DLG2: variants seen among roughly 807,000 people sequenced by gnomAD.
The protein encoded by DLG2 is discs large MAGUK scaffold protein 2, also known as disks large homolog 2.
A neutral mutation model predicts 132.5 loss-of-function variants in DLG2; 45 were observed. The ratio of observed to expected loss-of-function variants is 0.34; its 90% confidence interval spans 0.27 to 0.44. The LOEUF (loss-of-function observed/expected upper bound fraction) is 0.44, where lower values mean the gene tolerates loss of function less well. DLG2 is among the 20% of genes least tolerant of loss of function. The probability of loss-of-function intolerance (pLI) is 1.00; values close to 1 mark genes in which losing one functional copy is unlikely to be tolerated. For synonymous variants in DLG2, 424 were observed against 419.6 expected, an observed-to-expected ratio of 1.01 and a Z score of -0.13; for missense variants, 1,045 against 1,196.9, an observed-to-expected ratio of 0.87 and a Z score of 1.87.
intron 3 of DLG2, among the ~76,000 whole-genome samples, chr11:85,398,148 G>A (rs1283530685): frequency 6.6e-6 from 1 of 152,120 alleles, no homozygotes; most frequent in Non-Finnish European, 1.5e-5. Context: ...ACAACTTTAT[G>A]GAAACTGAAC....
rs530838197 is a variant in DLG2 at position 85,487,751 on chromosome 11, T to A, written c.40+110906A>T. Reference sequence around the variant, plus strand: ...GAGAGATCAAAAGACTTAGAAAAAATAATAGATGAAAATTTCCCAAGTCTA... The same window carrying A: ...GAGAGATCAAAAGACTTAGAAAAAAAAATAGATGAAAATTTCCCAAGTCTA... On this transcript the variant is annotated intron_variant, in intron 3 of 27. Coordinates refer to ENST00000376104, the MANE Select transcript of DLG2 (RefSeq NM_001142699.3). 4.6e-5 allele frequency among the ~76,000 whole-genome samples: 7 copies of A among 152,068 alleles called. No individual in the cohort carries two copies. The South Asian group carries it at 1.5e-3, about 32-fold the overall frequency.
chr11:85,585,558 C>CAACAGCTATG (rs1270646439), intron 3 of DLG2, among the ~76,000 whole-genome samples: 1 of 152,172 alleles, frequency 6.6e-6, no homozygotes, highest in East Asian at 1.9e-4. Flanking sequence ...ATTTGTCATA[C>CAACAGCTATG]ACAGTTTTTA....
At chr11:85,377,803 A>ATATATATATGTGTG (rs35141583) in intron 3 of DLG2, among the ~76,000 whole-genome samples, 7 of 131,308 alleles carry the variant, frequency 5.3e-5, no homozygotes, top group Non-Finnish European at 9.7e-5. Context: ...ATATATATAT[A>ATATATATATGTGTG]TGTGTGTGTG....
chr11:84,925,300 T>C (rs1301046229), intron 6 of DLG2, among the ~76,000 whole-genome samples: 1 of 152,164 alleles, frequency 6.6e-6, no homozygotes, highest in East Asian at 1.9e-4. Context: ...GGTGAAGAAG[T>C]ACATGTAGGT....
chr11:84,461,700 A>C (rs1013603685), intron 7 of DLG2, among the ~76,000 whole-genome samples: 1 of 151,028 alleles, frequency 6.6e-6, no homozygotes, highest in Non-Finnish European at 1.5e-5. Context: ...AGAACACAAA[A>C]TTAAAAGTTA....
At chr11:84,697,768 C>T (rs898139561) in intron 6 of DLG2, among the ~76,000 whole-genome samples, 3 of 151,352 alleles carry the variant, frequency 2.0e-5, no homozygotes, top group Non-Finnish European at 3.0e-5. Context: ...CAAAAATGTA[C>T]GTCATTGACA....
chr11:83,693,808 A>G (rs568295671), intron 18 of DLG2: 1 of 152,334 alleles, frequency 6.6e-6, no homozygotes, highest in South Asian at 2.1e-4. Flanking sequence ...CCACAAGCCA[A>G]AGGTGACAGA....
chr11:84,564,439 G>A (rs573588198), intron 6 of DLG2, among the ~76,000 whole-genome samples: 3 of 152,242 alleles, frequency 2.0e-5, no homozygotes, highest in East Asian at 1.9e-4. Flanking sequence ...GATCCCATCC[G>A]AGAATGTACT....
At chr11:84,590,292 C>T (rs1318395680) in intron 6 of DLG2, among the ~76,000 whole-genome samples, 2 of 152,186 alleles carry the variant, frequency 1.3e-5, no homozygotes, top group African/African-American at 4.8e-5. Flanking sequence ...CAGCAAGCCC[C>T]AAGAGATCCC....
chr11:85,527,841 C>A (rs2074897208), intron 3 of DLG2, among the ~76,000 whole-genome samples: 1 of 152,210 alleles, frequency 6.6e-6, no homozygotes, highest in Non-Finnish European at 1.5e-5. Context: ...TATTTCTCCA[C>A]ATCCTCACCA....
chr11:84,889,447 G>C (rs982686982), intron 6 of DLG2, among the ~76,000 whole-genome samples: 5 of 152,024 alleles, frequency 3.3e-5, no homozygotes, highest in African/African-American at 9.7e-5. Flanking sequence ...AAGCTTTAGC[G>C]GTGGTATTTG....
chr11:85,300,330 C>T lies in DLG2; in HGVS notation c.41-14965G>A, dbSNP rs536539787. Among the ~76,000 whole-genome samples, 7 of 152,244 alleles carry T rather than the reference C, an allele frequency of 4.6e-5. No individual in the cohort carries two copies. In the South Asian group the frequency reaches 1.2e-3, roughly 27 times the overall value. ...TGTTGGTGTTAAGAGACTTTTCACT[C>T]TAGAGTACCTGAAGCACTAAAACAA... On this transcript the variant is annotated intron_variant, in intron 3 of 27. Coordinates refer to ENST00000376104, the MANE Select transcript of DLG2 (RefSeq NM_001142699.3).
chr11:83,520,496 C>T (rs1264253436), intron 21 of DLG2, among the ~76,000 whole-genome samples: 2 of 152,168 alleles, frequency 1.3e-5, no homozygotes, highest in Non-Finnish European at 2.9e-5. Context: ...TTTCATTGCT[C>T]ATGCTTTCAC....
At chr11:84,744,152 G>A (rs948898090) in intron 6 of DLG2, among the ~76,000 whole-genome samples, 1 of 152,090 alleles carries the variant, frequency 6.6e-6, no homozygotes, top group Non-Finnish European at 1.5e-5. Flanking sequence ...TGTATATATA[G>A]AAGAGCCCTG....
chr11:83,547,574 AT>A (rs1285986974), intron 19 of DLG2, among the ~76,000 whole-genome samples: 10 of 152,216 alleles, frequency 6.6e-5, no homozygotes, highest in African/African-American at 1.9e-4. Flanking sequence ...CAAACTGGGA[AT>A]GGTTATTAGG....
At chr11:85,030,665 G>A (rs767350275) in intron 6 of DLG2, among the ~76,000 whole-genome samples, 13 of 152,018 alleles carry the variant, frequency 8.6e-5, no homozygotes, top group African/African-American at 1.9e-4. Flanking sequence ...GCCAACTTTC[G>A]TCAAATGTTT....
intron 18 of DLG2, among the ~76,000 whole-genome samples, chr11:83,734,338 C>CCCTTCCTTCCTTCCTT (rs563427546): frequency 9.4e-5 from 9 of 95,340 alleles, no homozygotes; most frequent in Non-Finnish European, 1.7e-4. Flanking sequence ...CACTAATTTT[C>CCCTTCCTTCCTTCCTT]CCTTCCTTCC....
intron 3 of DLG2, among the ~76,000 whole-genome samples, chr11:85,416,497 A>G (rs2089862622): frequency 6.6e-6 from 1 of 152,174 alleles, no homozygotes; most frequent in Non-Finnish European, 1.5e-5. Context: ...TGGTAGCTTG[A>G]TGGGGATAGC....
At chr11:84,603,031 A>G (rs767305568) in intron 6 of DLG2, among the ~76,000 whole-genome samples, 14 of 152,034 alleles carry the variant, frequency 9.2e-5, no homozygotes, top group Non-Finnish European at 1.9e-4. Flanking sequence ...AGGAAATAGA[A>G]TAGAATAAAA....
Sources: allele counts gnomAD v4.1 joint callset (sites outside exome capture counted in the v4.1 genomes callset), GRCh38; gene constraint gnomAD v4.1.1; transcripts MANE v1.5; gene names NCBI Gene and HGNC (gene_info 2026-07-23, HGNC 2026-07-21).